Variants in HIP1R observed in about 807,000 individuals in gnomAD.
The protein encoded by HIP1R is huntingtin interacting protein 1 related, also known as huntingtin-interacting protein 1-related protein.
A neutral mutation model predicts 144.2 loss-of-function variants in HIP1R; 135 were observed. The ratio of observed to expected loss-of-function variants is 0.94; its 90% CI spans 0.81 to 1.08. The LOEUF is 1.08. Ranked by LOEUF, HIP1R falls within the 50% of genes least tolerant of loss-of-function variation. The pLI is 0.00. For missense variants in HIP1R, 1,462 were observed against 1,432.8 expected, an observed-to-expected ratio of 1.02 and a Z score of -0.33; for synonymous variants, 698 against 612.8, an observed-to-expected ratio of 1.14 and a Z score of -2.05.
rs753050520 is a variant in HIP1R at position 122,856,175 on chromosome 12, C to T, written c.1312+12C>T. On this transcript the variant is annotated intron_variant, in intron 14 of 31. Coordinates refer to ENST00000253083, the MANE Select transcript of HIP1R (RefSeq NM_003959.3). ...TGAGGAGGCTGAGAGTACGTGGGGCCTTGGCCACAGGGGTCCAAGGGTGTG... is the reference window on the plus strand; with the variant it reads ...TGAGGAGGCTGAGAGTACGTGGGGCTTTGGCCACAGGGGTCCAAGGGTGTG... The T allele has an allele frequency of 6.2e-7, 1 of 1,608,818 alleles. No individual in the cohort carries two copies. Among genetic ancestry groups the T allele is most frequent in the South Asian group, 1.1e-5 (1 of 90,450 alleles).
chr12:122,859,077 C>T lies in HIP1R; in HGVS notation c.2175C>T (p.Cys725=), dbSNP rs1382917695. ...TCACCCCAGGCCTCATAGACACCTG[C>T]AGGGAGTGCGGGGCCCGGGCTCTGG... ...TDPADRLIDT[C]RECGARALEL... The change falls in exon 22 of 32, where the codon TGC becomes TGT. Residue 725 remains cysteine (C), a synonymous_variant. Transcript: ENST00000253083. 1 of 1,605,642 alleles carries T rather than the reference C, an allele frequency of 6.2e-7. No individual in the cohort carries two copies. Among genetic ancestry groups the T allele is most frequent in the East Asian group, 2.2e-5 (1 of 44,478 alleles).
rs1039867814 is a variant in HIP1R, at chr12:122,836,691, A to T, written c.93+1048A>T. 6.6e-6 allele frequency among the ~76,000 whole-genome samples: 1 copy of T among 152,222 alleles called. No individual in the cohort carries two copies. The highest frequency in any genetic ancestry group is 2.4e-5 in the African/African-American group (1 of 41,448). The stretch of plus-strand genomic sequence containing the variant: ...CACTCCTGTCTAAAGCAGGTTGGTG[A>T]CATTTGCGTTTGTGGCGGCTATTTG... On this transcript the variant is annotated intron_variant, in intron 1 of 31. Coordinates refer to ENST00000253083, the MANE Select transcript of HIP1R (RefSeq NM_003959.3). The surrounding 1 kb of genome is among the most constrained non-coding windows in gnomAD (Gnocchi z 4.1).
At position 122,861,831 on chromosome 12, in the gene HIP1R, G is replaced by A; in HGVS notation, c.*78G>A. 1 of 1,396,992 alleles carries A rather than the reference G, an allele frequency of 7.2e-7. No homozygotes were observed. Among genetic ancestry groups the A allele is most frequent in the Non-Finnish European group, 1.0e-6 (1 of 995,658 alleles). The allele number at this position is 1,396,992 out of a possible 1,614,324, so 86.5% of individuals were successfully genotyped here. On this transcript the variant is annotated 3_prime_UTR_variant, in exon 32 of 32. Transcript: ENST00000253083. ...TGCCCTGACAGGACCGAGAGGCCTT[G>A]CCCCTCCACCTGGTGCCCAAGCCTC... is the stretch of plus-strand genomic sequence containing the variant.
chr12:122,860,319 T>C, intron 26 of HIP1R, 104 bp from the exon 27 acceptor site: 1 of 1,545,212 alleles, frequency 6.5e-7, no homozygotes, highest in Non-Finnish European at 8.9e-7. Flanking sequence ...GCCTCAGGGA[T>C]GCGCCCTATG....
Position 122,860,426 on chromosome 12 carries a change from G to A in HIP1R, c.2563G>A (p.Ala855Thr). 6.2e-7 allele frequency: 1 copy of A among 1,613,376 alleles called. No homozygotes were observed. The highest frequency in any genetic ancestry group is 2.2e-5 in the East Asian group (1 of 44,882). ...CCTGTTCTCCCGTCGCCACTAGGGGGCAGCCACGCAGCAGGAATTTTACGC... is the reference window on the plus strand; with the variant it reads ...CCTGTTCTCCCGTCGCCACTAGGGGACAGCCACGCAGCAGGAATTTTACGC... ...QKEIVESGRGAATQQEFYAKN... is the reference protein window; with the variant it reads ...QKEIVESGRGTATQQEFYAKN... Residue 855 changes from alanine (A) to threonine (T), a missense_variant, in exon 27 of 32, where the codon GCA becomes ACA. Coordinates refer to ENST00000253083, the MANE Select transcript of HIP1R (RefSeq NM_003959.3).
upstream of HIP1R, chr12:122,835,072 G>A: frequency 6.9e-6 from 8 of 1,163,334 alleles, no homozygotes; most frequent in Non-Finnish European, 9.1e-6. Context: ...GGAAGGAGGA[G>A]GGAGGGGTTC....
chr12:122,858,069 T>C, intron 18 of HIP1R, 33 bp from the exon 19 acceptor site: 2 of 1,440,452 alleles, frequency 1.4e-6, no homozygotes, highest in Non-Finnish European at 1.8e-6. Context: ...TTGGGGAGGA[T>C]CTCTAACCTG....
rs150109184 is a variant in HIP1R, at chr12:122,857,145, C to T, written c.1745C>T (p.Ala582Val). 2,285 of 1,550,392 alleles carry T rather than the reference C, an allele frequency of 1.5e-3. 4 individuals are homozygous for T. The highest frequency in any genetic ancestry group is 1.8e-3 in the Non-Finnish European group (2,078 of 1,146,888). Reference protein sequence around the residue: ...AAQSLVRETEAALSREQQRSS... With the variant: ...AAQSLVRETEVALSREQQRSS... ...CAGAGCCTGGTGCGCGAGACAGAGG[C>T]GGCGCTGAGCCGGGAGCAGCAGCGC... The change falls in exon 18 of 32, where the codon GCG (alanine) becomes GTG (valine). Residue 582 changes from alanine (A) to valine (V), a missense_variant. Transcript: ENST00000253083.
chr12:122,837,828 A>G (rs777231763), intron 1 of HIP1R, among the ~76,000 whole-genome samples: 12 of 152,218 alleles, frequency 7.9e-5, no homozygotes, highest in Non-Finnish European at 1.6e-4. Flanking sequence ...GTACGTGGTT[A>G]ATATTTAATT....
chr12:122,847,941 C>T, intron 1 of HIP1R, 90 bp from the exon 2 acceptor site: 1 of 1,226,456 alleles, frequency 8.2e-7, no homozygotes, highest in South Asian at 1.4e-5. Flanking sequence ...CAGGCAGAAT[C>T]CTGTTCAGTA....
rs1293497965 is a variant in HIP1R, at chr12:122,858,907, G to C, written c.2120G>C (p.Gly707Ala). 2 of 1,613,220 alleles carry C rather than the reference G, an allele frequency of 1.2e-6. No individual in the cohort carries two copies. Among genetic ancestry groups the C allele is most frequent in the Admixed American group, 3.3e-5 (2 of 60,026 alleles). ...HLAADTIING[G>A]ATSHLAPTDP... ...GCTGCGGATACCATCATCAATGGCG[G>C]TGCCACCTCGCACCTGGCTCCCACC... Residue 707 changes from glycine to alanine, a missense_variant, in exon 21 of 32, where the codon GGT becomes GCT. Around this residue, in one of 2 missense-constraint regions of HIP1R, gnomAD observed 1,112 missense variants for 1,011.7 expected, o/e 1.10. Transcript: ENST00000253083.
At position 122,861,832 on chromosome 12, in the gene HIP1R, C is replaced by T. The variant is rs1184242762; in HGVS notation, c.*79C>T. 1.6e-5 allele frequency: 22 copies of T among 1,366,312 alleles called. No homozygotes were observed. The highest frequency in any genetic ancestry group is 6.0e-5 in the South Asian group (5 of 83,274). 84.6% of individuals were successfully genotyped at this position (1,366,312 alleles called of 1,614,324 possible). On this transcript the variant is annotated 3_prime_UTR_variant, in exon 32 of 32. Transcript: ENST00000253083. ...GCCCTGACAGGACCGAGAGGCCTTG[C>T]CCCTCCACCTGGTGCCCAAGCCTCC...
chr12:122,850,974 GTC>G (rs1486115896), intron 6 of HIP1R, 63 bp downstream of exon 6: 15 of 1,484,972 alleles, frequency 1.0e-5, no homozygotes, highest in Non-Finnish European at 7.4e-6. Flanking sequence ...TTCCTACCGC[GTC>G]TCACGCCCAG....
Position 122,856,040 on chromosome 12 carries a change from G to GAGC in HIP1R, c.1193_1195dup (p.Gln398dup). Reference sequence around the variant, plus strand: ...GAATGCACTGGAGGGTGAGCTGGAGGAGCAGCGGAAGCAGAAGCAGAAGGC... The same window carrying GAGC: ...GAATGCACTGGAGGGTGAGCTGGAGGAGCAGCAGCGGAAGCAGAAGCAGAAGGC... On this transcript the variant is annotated inframe_insertion, in exon 14 of 32. Transcript: ENST00000253083. The GAGC allele has an allele frequency of 6.3e-7, 1 of 1,595,886 alleles. No individual in the cohort carries two copies. Among genetic ancestry groups the GAGC allele is most frequent in the Non-Finnish European group, 8.5e-7 (1 of 1,171,510 alleles).
At chr12:122,847,979 C>G in intron 1 of HIP1R, 52 bp from the exon 2 acceptor site, 1 of 1,581,670 alleles carries the variant, frequency 6.3e-7, no homozygotes, top group Non-Finnish European at 8.7e-7. Context: ...GGGGTGGTGT[C>G]TCCTGGGGTG....
At chr12:122,859,898 C>G in intron 24 of HIP1R, 68 bp downstream of exon 24, 5 of 1,520,456 alleles carry the variant, frequency 3.3e-6, no homozygotes, top group Non-Finnish European at 4.5e-6. Flanking sequence ...AGGTTCTGCC[C>G]CCAACTGTTC....
In HIP1R at chr12:122,856,647, T is replaced by G. The variant is rs1373324632; in HGVS notation, c.1541T>G (p.Leu514Arg). 2 of 1,605,086 alleles carry G rather than the reference T, an allele frequency of 1.2e-6. No individual in the cohort carries two copies. Among genetic ancestry groups the G allele is most frequent in the Non-Finnish European group, 1.7e-6 (2 of 1,176,030 alleles). ...CAGCTAGAGGAGAAGAGCGACCAGCTGGAGAAGCTCAAGAGGGAGCTGGAG... is the reference window on the plus strand; with the variant it reads ...CAGCTAGAGGAGAAGAGCGACCAGCGGGAGAAGCTCAAGAGGGAGCTGGAG... ...ELKLEEKSDQ[L>R]EKLKRELEAK... The change falls in exon 17 of 32, where the codon CTG becomes CGG. Residue 514 changes from leucine (L) to arginine (R), a missense_variant. Transcript: ENST00000253083.
In HIP1R at chr12:122,848,542, C is replaced by T. The variant is rs1189840841; in HGVS notation, c.234C>T (p.Ser78=). 3.1e-6 allele frequency: 5 copies of T among 1,613,200 alleles called. No homozygotes were observed. Among genetic ancestry groups the T allele is most frequent in the Admixed American group, 3.3e-5 (2 of 60,010 alleles). The change falls in exon 3 of 32, where the codon AGC becomes AGT. Residue 78 remains serine (S), a synonymous_variant. Coordinates refer to ENST00000253083, the MANE Select transcript of HIP1R (RefSeq NM_003959.3). ...ACGCCATTGGGCTGCCGCTGCCCAG[C>T]AGCTCCATTCTCAGCTGGAAGTTCT... ...WSYAIGLPLP[S]SSILSWKFCH...
At position 122,859,058 on chromosome 12, in the gene HIP1R, C is replaced by G; in HGVS notation, c.2159-3C>G. 3 of 1,606,502 alleles carry G rather than the reference C, an allele frequency of 1.9e-6. No individual in the cohort carries two copies. Among genetic ancestry groups the G allele is most frequent in the Non-Finnish European group, 2.5e-6 (3 of 1,177,066 alleles). ...CTCCACTCACGGTCCTTTCTCACCC[C>G]AGGCCTCATAGACACCTGCAGGGAG... On this transcript the variant is annotated splice_polypyrimidine_tract_variant and splice_region_variant and intron_variant, in intron 21 of 31. Coordinates refer to ENST00000253083, the MANE Select transcript of HIP1R (RefSeq NM_003959.3).
Sources: allele counts gnomAD v4.1 joint callset (sites outside exome capture counted in the v4.1 genomes callset), GRCh38; gene constraint gnomAD v4.1.1; regional missense constraint gnomAD v4.1.1; non-coding constraint Gnocchi (gnomAD v3.1); transcripts MANE v1.5; gene names NCBI Gene and HGNC (gene_info 2026-07-23, HGNC 2026-07-21).